Variants in KHDRBS2 observed in about 807,000 individuals in gnomAD.
KHDRBS2 encodes the protein KH RNA binding domain containing, signal transduction associated 2, also known as KH domain-containing, RNA-binding, signal transduction-associated protein 2.
A neutral mutation model predicts 44.3 loss-of-function variants in KHDRBS2; 26 were observed. The observed-to-expected ratio is 0.59, with a 90% CI of 0.43 to 0.81. The LOEUF (loss-of-function observed/expected upper bound fraction) is 0.81. KHDRBS2 is among the 40% of genes least tolerant of loss of function. KHDRBS2 has a pLI of 0.00. For missense variants in KHDRBS2, 476 were observed against 433.1 expected (o/e 1.10, Z -0.88); for synonymous variants, 194 against 151.1 (o/e 1.28, Z -2.08).
chr6:62,233,924 G>A (rs751147732), intron 1 of KHDRBS2, among the ~76,000 whole-genome samples: 10 of 151,784 alleles, frequency 6.6e-5, no homozygotes, highest in Non-Finnish European at 1.3e-4. Flanking sequence ...CTCTGCTATT[G>A]TGAATAGTGC....
At chr6:61,551,090 G>A in the KHDRBS2 span, among the ~76,000 whole-genome samples, 2 of 152,054 alleles carry the variant, frequency 1.3e-5, no homozygotes, top group African/African-American at 4.8e-5. Flanking sequence ...GTATCTCATT[G>A]TGGTTTTGAT....
chr6:61,689,280 A>G (rs1420307533), intron 8 of KHDRBS2, among the ~76,000 whole-genome samples: 1 of 151,892 alleles, frequency 6.6e-6, no homozygotes, highest in African/African-American at 2.4e-5. Flanking sequence ...CCCTTTTGCT[A>G]TGATAAAACT....
chr6:62,048,054 C>G, intron 2 of KHDRBS2, 60 bp from the exon 3 acceptor site: 1 of 911,762 alleles, frequency 1.1e-6, no homozygotes, highest in South Asian at 1.3e-5. Flanking sequence ...TTATTTGCAC[C>G]AAGAGTAATT....
At chr6:61,589,522 T>C in the KHDRBS2 span, among the ~76,000 whole-genome samples, 10 of 152,216 alleles carry the variant, frequency 6.6e-5, no homozygotes, top group Non-Finnish European at 1.2e-4. Context: ...TCTTTACTTA[T>C]TGTACAAGTT....
intron 2 of KHDRBS2, among the ~76,000 whole-genome samples, chr6:62,053,356 GA>G (rs948186839): frequency 1.4e-4 from 20 of 143,570 alleles, no homozygotes; most frequent in East Asian, 6.2e-4. Context: ...ACTCATAAAA[GA>G]AAAAAAAAAT....
chr6:62,099,710 G>A (rs991522306), intron 2 of KHDRBS2, among the ~76,000 whole-genome samples: 3 of 152,108 alleles, frequency 2.0e-5, no homozygotes, highest in African/African-American at 7.2e-5. Context: ...TTGCTTCACA[G>A]TCACAGAGAC....
the KHDRBS2 span, among the ~76,000 whole-genome samples, chr6:61,607,167 T>G: frequency 6.6e-6 from 1 of 151,840 alleles, no homozygotes; most frequent in Non-Finnish European, 1.5e-5. Context: ...ATTTTGGACA[T>G]TAAAAGTTTG....
chr6:62,195,320 C>T, intron 1 of KHDRBS2, among the ~76,000 whole-genome samples: 1 of 152,126 alleles, frequency 6.6e-6, no homozygotes, highest in Non-Finnish European at 1.5e-5. Context: ...TTTGTGTGAG[C>T]ACCAAAGGAT....
chr6:62,118,527 A>G (rs1645438615), intron 2 of KHDRBS2, among the ~76,000 whole-genome samples: 1 of 152,152 alleles, frequency 6.6e-6, no homozygotes, highest in Non-Finnish European at 1.5e-5. Flanking sequence ...GTTTCTTAAA[A>G]TACCAGTGTG....
At chr6:62,105,240 T>C (rs564045847) in intron 2 of KHDRBS2, among the ~76,000 whole-genome samples, 8 of 152,300 alleles carry the variant, frequency 5.3e-5, no homozygotes, top group South Asian at 2.1e-4. Flanking sequence ...TTCCAAAAAG[T>C]TGAAGTAGGG....
At chr6:61,619,775 T>G in the KHDRBS2 span, among the ~76,000 whole-genome samples, 6 of 152,020 alleles carry the variant, frequency 3.9e-5, no homozygotes. Flanking sequence ...AATGGCTGAG[T>G]AGTATTCCAT....
chr6:61,551,814 CT>C, the KHDRBS2 span, among the ~76,000 whole-genome samples: 2 of 151,920 alleles, frequency 1.3e-5, no homozygotes, highest in South Asian at 4.2e-4. Flanking sequence ...CTGCTCTGCT[CT>C]TTTTGCTTAG....
chr6:61,907,631 C>A (rs915608144), intron 4 of KHDRBS2, among the ~76,000 whole-genome samples: 2 of 152,100 alleles, frequency 1.3e-5, no homozygotes, highest in African/African-American at 4.8e-5. Flanking sequence ...ATATGGTTAT[C>A]CAGTTTTCCC....
At chr6:62,221,760 T>G (rs1183885791) in intron 1 of KHDRBS2, among the ~76,000 whole-genome samples, 3 of 152,102 alleles carry the variant, frequency 2.0e-5, no homozygotes, top group Non-Finnish European at 4.4e-5. Context: ...AAGGACTCAA[T>G]ACTTTGAGAA....
chr6:62,129,484 G>T (rs1809755853), intron 2 of KHDRBS2, among the ~76,000 whole-genome samples: 1 of 152,050 alleles, frequency 6.6e-6, no homozygotes, highest in East Asian at 1.9e-4. Flanking sequence ...AATTAAAATA[G>T]CAATAAAACG....
chr6:61,854,181 C>T (rs1795841140), intron 6 of KHDRBS2, among the ~76,000 whole-genome samples: 1 of 152,052 alleles, frequency 6.6e-6, no homozygotes, highest in Admixed American at 6.6e-5. Flanking sequence ...TTGTTTGCTC[C>T]ATGGCAATTT....
intron 6 of KHDRBS2, among the ~76,000 whole-genome samples, chr6:61,865,111 GCT>G (rs1261781804): frequency 6.6e-6 from 1 of 151,978 alleles, no homozygotes; most frequent in East Asian, 1.9e-4. Flanking sequence ...GTGTTTTTCG[GCT>G]CTGTCAGGTC....
intron 1 of KHDRBS2, among the ~76,000 whole-genome samples, chr6:62,228,443 A>T (rs1449580309): frequency 6.6e-6 from 1 of 151,640 alleles, no homozygotes; most frequent in Non-Finnish European, 1.5e-5. Flanking sequence ...CTAGGAGTCT[A>T]TCTGTTTTGT....
the KHDRBS2 span, among the ~76,000 whole-genome samples, chr6:61,554,106 G>A: frequency 1.3e-5 from 2 of 152,110 alleles, no homozygotes; most frequent in South Asian, 2.1e-4. Context: ...GGGTGTTAAA[G>A]TCTTCCAATA....
Sources: allele counts gnomAD v4.1 joint callset (sites outside exome capture counted in the v4.1 genomes callset), GRCh38; gene constraint gnomAD v4.1.1; transcripts MANE v1.5; gene names NCBI Gene and HGNC (gene_info 2026-07-23, HGNC 2026-07-21).